The following YEATS2 variants were observed in gnomAD, a reference collection of about 807,000 sequenced individuals.
YEATS2 encodes the protein YEATS domain containing 2.
Under a neutral mutation model 163.2 loss-of-function variants are expected in YEATS2, and 77 were observed. The observed-to-expected ratio is 0.47, with a 90% CI of 0.39 to 0.57. The LOEUF (loss-of-function observed/expected upper bound fraction) is 0.57, where lower values mean the gene tolerates loss of function less well. Among genes scored for constraint, YEATS2 ranks in the 20% least tolerant of loss-of-function variants. The pLI, the probability that YEATS2 is intolerant of heterozygous loss-of-function variation, is 0.00. For missense variants in YEATS2, 1,549 were observed against 1,729.8 expected, an observed-to-expected ratio of 0.90 and a Z score of 1.85; for synonymous variants, 631 against 645.1, an observed-to-expected ratio of 0.98 and a Z score of 0.33.
At chr3:183,798,306 G>A (rs1326490400) in intron 22 of YEATS2, among the ~76,000 whole-genome samples, 1 of 152,046 alleles carries the variant, frequency 6.6e-6, no homozygotes, top group East Asian at 1.9e-4. Context: ...GAGTTGAGGG[G>A]GAACATTTTA....
chr3:183,702,594 T>C (rs1714210490), intron 1 of YEATS2, among the ~76,000 whole-genome samples: 1 of 152,024 alleles, frequency 6.6e-6, no homozygotes, highest in Non-Finnish European at 1.5e-5. Flanking sequence ...CTCAGCACTT[T>C]GGGAGGCTGA....
At chr3:183,801,061 G>C (rs1725622662) in intron 24 of YEATS2, 1 of 171,818 alleles carries the variant, frequency 5.8e-6, no homozygotes, top group Non-Finnish European at 1.2e-5. Flanking sequence ...CAGACTGCTG[G>C]GGACAATAGA....
At chr3:183,759,615 C>T (rs936289051) in intron 13 of YEATS2, among the ~76,000 whole-genome samples, 3 of 152,166 alleles carry the variant, frequency 2.0e-5, no homozygotes, top group African/African-American at 7.2e-5. Context: ...ACGTTCCTAT[C>T]TTTTCTATGT....
At chr3:183,773,815 G>C (rs200747617) in intron 17 of YEATS2, 21 bp downstream of exon 17, 1 of 1,589,204 alleles carries the variant, frequency 6.3e-7, no homozygotes, top group Non-Finnish European at 8.5e-7. Context: ...CCATTGGGTT[G>C]AATCATTTGG....
At chr3:183,714,537 T>C (rs188160699) in intron 1 of YEATS2, among the ~76,000 whole-genome samples, 1,623 of 152,048 alleles carry the variant, frequency 0.011, 13 homozygotes, top group Non-Finnish European at 0.016. Context: ...CAAAGACTTG[T>C]GTATGTGGGG....
chr3:183,733,350 G>A (rs1472117249), intron 7 of YEATS2, among the ~76,000 whole-genome samples: 2 of 152,056 alleles, frequency 1.3e-5, no homozygotes, highest in African/African-American at 4.8e-5. Flanking sequence ...AGCAGTTATT[G>A]GGTCTCATCC....
chr3:183,710,286 C>T (rs1011300571), intron 1 of YEATS2, among the ~76,000 whole-genome samples: 13 of 152,080 alleles, frequency 8.5e-5, no homozygotes, highest in African/African-American at 3.1e-4. Flanking sequence ...AAGAAGAGTC[C>T]AGAAGGTAAT....
At chr3:183,767,814 G>A (rs763093238) in intron 15 of YEATS2, among the ~76,000 whole-genome samples, 1 of 152,144 alleles carries the variant, frequency 6.6e-6, no homozygotes, top group Non-Finnish European at 1.5e-5. Flanking sequence ...ACCACGCCCG[G>A]CAGGATACCA....
At chr3:183,711,449 G>A (rs1336893849) in intron 1 of YEATS2, among the ~76,000 whole-genome samples, 1 of 148,026 alleles carries the variant, frequency 6.8e-6, no homozygotes, top group Non-Finnish European at 1.5e-5. Flanking sequence ...CTCCAGCCTG[G>A]GAGACAGCGA....
intron 7 of YEATS2, among the ~76,000 whole-genome samples, chr3:183,729,693 C>T (rs138109635): frequency 1.1e-3 from 169 of 149,668 alleles, no homozygotes; most frequent in Non-Finnish European, 1.8e-3. Context: ...TTTTTTGAGA[C>T]GGAGTTTCAC....
chr3:183,781,915 AT>A lies in YEATS2; in HGVS notation c.2737-4200del, dbSNP rs142688193. ...AACACCCTGTCTTAAAAAAAAAAAA[AT>A]TTTTTTTTTCTATCACCATTTTTCT... On this transcript the variant is annotated intron_variant, in intron 19 of 30. Coordinates refer to ENST00000305135, the MANE Select transcript of YEATS2 (RefSeq NM_018023.5). Among the ~76,000 whole-genome samples, 1,042 of 149,036 alleles carry A rather than the reference AT, an allele frequency of 7.0e-3. 11 individuals carry two copies. Among genetic ancestry groups the A allele is most frequent in the African/African-American group, 0.023 (929 of 40,652 alleles).
intron 28 of YEATS2, 129 bp from the exon 29 acceptor site, chr3:183,807,901 G>T (rs1276009317): frequency 3.1e-6 from 2 of 635,536 alleles, no homozygotes; most frequent in Non-Finnish European, 2.8e-6. Context: ...CGTGAATTTT[G>T]CCCAATATGT....
chr3:183,808,761 C>A, intron 29 of YEATS2: 1 of 178,092 alleles, frequency 5.6e-6, no homozygotes, highest in South Asian at 9.7e-5. Context: ...GAGGCTGAGG[C>A]AGGAGAATCG....
intron 19 of YEATS2, 70 bp from the exon 20 acceptor site, chr3:183,786,055 G>C: frequency 6.5e-7 from 1 of 1,527,014 alleles, no homozygotes; most frequent in East Asian, 2.3e-5. Flanking sequence ...TATCTCAGCT[G>C]TCAGTAAGGA....
In YEATS2 at chr3:183,812,440, A is replaced by G. The variant is rs1474540157; in HGVS notation, c.*1857A>G. 2.6e-5 allele frequency: 4 copies of G among 152,626 alleles called. No individual in the cohort carries two copies. The highest frequency in any genetic ancestry group is 5.9e-5 in the Non-Finnish European group (4 of 68,034). 9.5% of individuals were successfully genotyped at this position (152,626 alleles called of 1,614,324 possible). The stretch of plus-strand genomic sequence containing the variant: ...TGTGAGATCTCCAGGACAGAGGGAG[A>G]AAGATCTGATCCAAATGAGAACAGA... On this transcript the variant is annotated 3_prime_UTR_variant, in exon 31 of 31. Coordinates refer to ENST00000305135, the MANE Select transcript of YEATS2 (RefSeq NM_018023.5).
In YEATS2 at chr3:183,717,654, G is replaced by A. The variant is rs1281654211; in HGVS notation, c.104G>A (p.Arg35Gln). The A allele has an allele frequency of 1.9e-6, 3 of 1,562,290 alleles. No individual in the cohort carries two copies. The highest frequency in any genetic ancestry group is 4.9e-5 in the East Asian group (2 of 41,090). Residue 35 changes from arginine to glutamine, a missense_variant, in exon 3 of 31, where the codon CGA becomes CAA. Transcript: ENST00000305135. The stretch of plus-strand genomic sequence containing the variant: ...GTATTTTATGTTCTTTGTACAGCTC[G>A]AGATGCTGCTGTGCAGAAGATTGAG... ...KRHKAIENSA[R>Q]DAAVQKIETI... is the part of the protein sequence containing the mutation.
In YEATS2 at chr3:183,722,007, T is replaced by C; in HGVS notation, c.408T>C (p.Asn136=). The C allele has an allele frequency of 6.2e-7, 1 of 1,614,150 alleles. No homozygotes were observed. Among genetic ancestry groups the C allele is most frequent in the South Asian group, 1.1e-5 (1 of 91,084 alleles). Reference sequence around the variant, plus strand: ...AGAGAGCAGAAACACCATCAGCCAATCATTCAGAAAGTGATTCTTTATCTC... The same window carrying C: ...AGAGAGCAGAAACACCATCAGCCAACCATTCAGAAAGTGATTCTTTATCTC... ...ANQRAETPSA[N]HSESDSLSQH... The change falls in exon 5 of 31, where the codon AAT becomes AAC. Residue 136 remains asparagine, a synonymous_variant. Transcript: ENST00000305135.
intron 1 of YEATS2, among the ~76,000 whole-genome samples, chr3:183,713,991 G>T (rs1250349599): frequency 6.6e-6 from 1 of 152,074 alleles, no homozygotes; most frequent in African/African-American, 2.4e-5. Flanking sequence ...TTTTAGTAGA[G>T]ATGGGGTTTC....
chr3:183,805,849 G>T lies in YEATS2; in HGVS notation c.3785-1017G>T, dbSNP rs551633637. Among the ~76,000 whole-genome samples the T allele has an allele frequency of 1.4e-4, 22 of 152,134 alleles. No homozygotes were observed. The South Asian group carries it at 4.6e-3, about 32-fold the overall frequency. On this transcript the variant is annotated intron_variant, in intron 27 of 30. Transcript: ENST00000305135. ...TAAGCTTCTTGAGAGCCTAATGCAG[G>T]ATGGCCTCTCCTTTCTCTCATCTCC...
Sources: allele counts gnomAD v4.1 joint callset (sites outside exome capture counted in the v4.1 genomes callset), GRCh38; gene constraint gnomAD v4.1.1; transcripts MANE v1.5; gene names NCBI Gene and HGNC (gene_info 2026-07-23, HGNC 2026-07-21).